XKR6: variants seen among roughly 807,000 people sequenced by gnomAD.
XKR6 encodes the protein XK-related protein 6.
In XKR6, 22 loss-of-function variants were observed where a neutral mutation model predicts 56.7. The ratio of observed to expected loss-of-function variants is 0.39; its 90% CI spans 0.28 to 0.55. The LOEUF is 0.55. XKR6 is among the 20% of genes least tolerant of loss of function. XKR6 has a pLI of 0.66. For synonymous variants in XKR6, 524 were observed against 387.8 expected (o/e 1.35, Z -4.13); for missense variants, 852 against 889.0 (o/e 0.96, Z 0.53).
At chr8:11,166,523 A>T (rs1466574893) in intron 1 of XKR6, among the ~76,000 whole-genome samples, 2 of 152,178 alleles carry the variant, frequency 1.3e-5, no homozygotes, top group African/African-American at 2.4e-5. Context: ...ATTTTTCAAA[A>T]ATCTAATATT....
At chr8:11,073,046 T>C (rs918187393) in intron 1 of XKR6, among the ~76,000 whole-genome samples, 10 of 148,794 alleles carry the variant, frequency 6.7e-5, no homozygotes, top group Admixed American at 3.3e-4. Flanking sequence ...CGAGACTCCA[T>C]CTCAAAAACA....
chr8:10,942,228 G>A (rs1278806717), intron 1 of XKR6, among the ~76,000 whole-genome samples: 2 of 152,148 alleles, frequency 1.3e-5, no homozygotes, highest in South Asian at 2.1e-4. Flanking sequence ...TACACACAGC[G>A]TACTCAACAC....
At chr8:10,924,288 C>T (rs1257219957) in intron 2 of XKR6, among the ~76,000 whole-genome samples, 1 of 152,272 alleles carries the variant, frequency 6.6e-6, no homozygotes, top group Non-Finnish European at 1.5e-5. Flanking sequence ...GCTTCCCCTC[C>T]CATAGATGTG....
chr8:11,046,644 G>C (rs1480899840), intron 1 of XKR6, among the ~76,000 whole-genome samples: 4 of 152,158 alleles, frequency 2.6e-5, no homozygotes, highest in Non-Finnish European at 4.4e-5. Flanking sequence ...GCTACAACAT[G>C]ATAAACCTTG....
chr8:11,054,595 C>A (rs535767726), intron 1 of XKR6, among the ~76,000 whole-genome samples: 2 of 152,316 alleles, frequency 1.3e-5, no homozygotes, highest in East Asian at 3.9e-4. Flanking sequence ...GGGCCCTATC[C>A]CAGCCATGCT....
intron 1 of XKR6, chr8:11,194,522 A>G (rs1025102643): frequency 6.6e-6 from 1 of 152,254 alleles, no homozygotes; most frequent in African/African-American, 2.4e-5. Flanking sequence ...ATTCCTGATG[A>G]GAAGAAACTA....
chr8:10,910,238 G>A (rs4240671), intron 2 of XKR6, among the ~76,000 whole-genome samples: 72,945 of 151,872 alleles, frequency 0.48, 18,810 homozygotes, highest in African/African-American at 0.62. Context: ...ATATAATCGC[G>A]CTGAGGTTGA....
intron 1 of XKR6, among the ~76,000 whole-genome samples, chr8:11,107,025 C>A (rs193166742): frequency 6.6e-6 from 1 of 151,970 alleles, no homozygotes; most frequent in East Asian, 1.9e-4. Context: ...AACCTCCCAT[C>A]CCCAGAGCAA....
intron 1 of XKR6, among the ~76,000 whole-genome samples, chr8:11,163,807 G>A (rs1187226134): frequency 6.6e-6 from 1 of 152,116 alleles, no homozygotes; most frequent in Non-Finnish European, 1.5e-5. Flanking sequence ...GGCAAAGAGA[G>A]TAGAGTAGCT....
chr8:10,969,115 G>T (rs930572503), intron 1 of XKR6, among the ~76,000 whole-genome samples: 2 of 152,170 alleles, frequency 1.3e-5, no homozygotes, highest in African/African-American at 4.8e-5. Context: ...GTCAAAAACC[G>T]CCCCTAGAAA....
chr8:10,952,534 G>A (rs554152135), intron 1 of XKR6, among the ~76,000 whole-genome samples: 4 of 152,286 alleles, frequency 2.6e-5, no homozygotes, highest in Non-Finnish European at 4.4e-5. Flanking sequence ...GCTCACTGCA[G>A]CCTCGAACTT....
rs114686239 is a variant in XKR6 at position 11,017,998 on chromosome 8, C to T, written c.765-93168G>A. 3.1e-3 allele frequency among the ~76,000 whole-genome samples: 471 copies of T among 152,228 alleles called. 1 individual carries two copies. Among genetic ancestry groups the T allele is most frequent in the African/African-American group, 0.011 (450 of 41,532 alleles). On this transcript the variant is annotated intron_variant, in intron 1 of 2. Coordinates refer to ENST00000416569, the MANE Select transcript of XKR6 (RefSeq NM_173683.4). ...CCTCTGTTATACCTGTCCCCAGGCACCTGAAATGACAAAGGTGCACAACCC... is the reference window on the plus strand; with the variant it reads ...CCTCTGTTATACCTGTCCCCAGGCATCTGAAATGACAAAGGTGCACAACCC...
chr8:11,025,953 A>G lies in XKR6; in HGVS notation c.765-101123T>C, dbSNP rs997936386. Among the ~76,000 whole-genome samples the G allele has an allele frequency of 7.2e-5, 11 of 152,342 alleles. No individual in the cohort carries two copies. The South Asian group carries it at 2.3e-3, about 32-fold the overall frequency. Reference sequence around the variant, plus strand: ...CATGAGATATCAAAGACCAGATATCAAAGAATCAGTACAAGAGATTAAAAC... The same window carrying G: ...CATGAGATATCAAAGACCAGATATCGAAGAATCAGTACAAGAGATTAAAAC... On this transcript the variant is annotated intron_variant, in intron 1 of 2. Transcript: ENST00000416569.
At chr8:11,098,015 A>C (rs1317243789) in intron 1 of XKR6, among the ~76,000 whole-genome samples, 1 of 152,086 alleles carries the variant, frequency 6.6e-6, no homozygotes, top group African/African-American at 2.4e-5. Flanking sequence ...GAACCGGTGC[A>C]ATTTTGCAGG....
chr8:11,159,393 G>C (rs4473998), intron 1 of XKR6, among the ~76,000 whole-genome samples: 2 of 152,118 alleles, frequency 1.3e-5, no homozygotes, highest in East Asian at 1.9e-4. Context: ...AGTCTGTTAC[G>C]ACAGCTATGG....
chr8:11,135,622 G>C (rs555575367), intron 1 of XKR6, among the ~76,000 whole-genome samples: 3 of 152,068 alleles, frequency 2.0e-5, no homozygotes, highest in Admixed American at 6.5e-5. Flanking sequence ...AACTAAAATA[G>C]TGTGGTATGA....
At chr8:11,041,000 G>A (rs1014835491) in intron 1 of XKR6, among the ~76,000 whole-genome samples, 40 of 152,086 alleles carry the variant, frequency 2.6e-4, no homozygotes, top group African/African-American at 9.7e-4. Flanking sequence ...TCCGTGCTAG[G>A]TGGGGGCTGC....
intron 2 of XKR6, among the ~76,000 whole-genome samples, chr8:10,900,722 G>A (rs913042757): frequency 2.0e-5 from 3 of 152,200 alleles, no homozygotes; most frequent in Admixed American, 6.5e-5. Flanking sequence ...ATGTGTGTCT[G>A]CAGTGGCTGC....
At chr8:10,979,533 C>T (rs934493722) in intron 1 of XKR6, among the ~76,000 whole-genome samples, 1 of 152,156 alleles carries the variant, frequency 6.6e-6, no homozygotes, top group Non-Finnish European at 1.5e-5. Context: ...GAAAGACCCC[C>T]GACCCTCTAG....
Sources: gnomAD v4.1 joint callset for allele counts (sites outside exome capture counted in the v4.1 genomes callset) on GRCh38, gnomAD v4.1.1 for gene constraint, MANE v1.5 for transcripts, NCBI Gene and HGNC (gene_info 2026-07-23, HGNC 2026-07-21) for gene names.